Variants in SLC26A5 observed in about 807,000 individuals in gnomAD.
SLC26A5 encodes the protein prestin.
A neutral mutation model predicts 81.0 loss-of-function variants in SLC26A5; 51 were observed. The ratio of observed to expected loss-of-function variants is 0.63; its 90% CI spans 0.50 to 0.80. The LOEUF is 0.80. SLC26A5 is among the 30% of genes least tolerant of loss of function. The probability of loss-of-function intolerance (pLI) is 0.00; values close to 1 mark genes in which losing one functional copy is unlikely to be tolerated. For synonymous variants in SLC26A5, 325 were observed against 332.8 expected, an observed-to-expected ratio of 0.98 and a Z score of 0.25; for missense variants, 771 against 905.8, an observed-to-expected ratio of 0.85 and a Z score of 1.91.
intron 19 of SLC26A5, among the ~76,000 whole-genome samples, chr7:103,361,776 A>T (rs1820429412): frequency 6.6e-6 from 1 of 152,214 alleles, no homozygotes; most frequent in Admixed American, 6.5e-5. Flanking sequence ...AAATTTTATG[A>T]CTTGGCTAAA....
chr7:103,371,326 C>CT (rs770416053), downstream of SLC26A5, among the ~76,000 whole-genome samples: 5,372 of 142,766 alleles, frequency 0.038, 311 homozygotes, highest in African/African-American at 0.13. Flanking sequence ...TTATACACTA[C>CT]TTTTTTTTTT....
Position 103,421,493 on chromosome 7 carries a change from C to T in SLC26A5, c.22G>A (p.Glu8Lys). Residue 8 changes from glutamate (E) to lysine (K), a missense_variant, in exon 3 of 20, where the codon GAA (glutamate) becomes AAA (lysine). Glu to Lys is a moderately conservative substitution (Grantham distance 56). Coordinates refer to ENST00000306312, the MANE Select transcript of SLC26A5 (RefSeq NM_198999.3). ...TACCTCTGGGTTGCTGCAAGGATTT[C>T]ATTTTCTTCAGCATGATCCATAGTA... MDHAEEN[E>K]ILAATQRYYV... is the part of the protein sequence containing the mutation. 1 of 1,614,050 alleles carries T rather than the reference C, an allele frequency of 6.2e-7. No individual in the cohort carries two copies. Among genetic ancestry groups the T allele is most frequent in the Non-Finnish European group, 8.5e-7 (1 of 1,179,940 alleles).
At chr7:103,426,227 G>A (rs1825703531) in intron 2 of SLC26A5, among the ~76,000 whole-genome samples, 1 of 152,090 alleles carries the variant, frequency 6.6e-6, no homozygotes, top group Non-Finnish European at 1.5e-5. Context: ...TATACTTCAG[G>A]CAAATGCAGT....
intron 19 of SLC26A5, among the ~76,000 whole-genome samples, chr7:103,359,936 CT>C (rs1820280613): frequency 1.3e-5 from 2 of 152,008 alleles, no homozygotes; most frequent in South Asian, 4.2e-4. Flanking sequence ...AAAATATTAG[CT>C]GGGCGTGGTG....
At chr7:103,371,355 C>A (rs910172976), downstream of SLC26A5, among the ~76,000 whole-genome samples, 3 of 147,782 alleles carry the variant, frequency 2.0e-5, no homozygotes, top group Admixed American at 2.0e-4. Flanking sequence ...GACGGAGTCT[C>A]GCTCTGTCGC....
chr7:103,379,999 A>T (rs1403441896), intron 15 of SLC26A5, among the ~76,000 whole-genome samples: 1 of 152,168 alleles, frequency 6.6e-6, no homozygotes, highest in Admixed American at 6.5e-5. Flanking sequence ...ACCGACAGAC[A>T]AAACTAGTTT....
At chr7:103,401,836 C>T (rs1823615722) in intron 8 of SLC26A5, among the ~76,000 whole-genome samples, 1 of 152,128 alleles carries the variant, frequency 6.6e-6, no homozygotes, top group African/African-American at 2.4e-5. Flanking sequence ...GTCATTGGTT[C>T]TGTTTATGTG....
At chr7:103,401,233 T>G (rs1214707735) in intron 8 of SLC26A5, among the ~76,000 whole-genome samples, 1 of 152,224 alleles carries the variant, frequency 6.6e-6, no homozygotes, top group Non-Finnish European at 1.5e-5. Flanking sequence ...GTTTGTGTCC[T>G]CTCTGATTTC....
At chr7:103,442,642 T>C (rs2382691) in intron 2 of SLC26A5, among the ~76,000 whole-genome samples, 59,121 of 152,066 alleles carry the variant, frequency 0.39, 15,586 homozygotes, top group African/African-American at 0.74. Context: ...CTGAGAACCA[T>C]TGGTCCCATA....
At chr7:103,420,101 T>C (rs948700039) in intron 4 of SLC26A5, among the ~76,000 whole-genome samples, 3 of 152,130 alleles carry the variant, frequency 2.0e-5, no homozygotes, top group African/African-American at 7.2e-5. Flanking sequence ...TGCAATATAC[T>C]ACAGGAATTT....
At chr7:103,378,643 T>G in intron 16 of SLC26A5, 90 bp from the exon 17 acceptor site, 5 of 1,152,574 alleles carry the variant, frequency 4.3e-6, no homozygotes, top group Non-Finnish European at 6.5e-6. Context: ...CCCATTTAAC[T>G]GCTTTCTGGG....
chr7:103,436,764 CT>C, intron 2 of SLC26A5, among the ~76,000 whole-genome samples: 1 of 152,238 alleles, frequency 6.6e-6, no homozygotes. Context: ...AAATTGGATC[CT>C]TTTCTCATAC....
intron 9 of SLC26A5, 41 bp from the exon 10 acceptor site, chr7:103,393,107 AG>A: frequency 1.2e-6 from 2 of 1,612,528 alleles, no homozygotes; most frequent in Non-Finnish European, 1.7e-6. Flanking sequence ...TGTGACCACA[AG>A]GGAAAAGAAA....
chr7:103,382,905 T>C (rs1429147300), intron 14 of SLC26A5, among the ~76,000 whole-genome samples: 7 of 152,182 alleles, frequency 4.6e-5, no homozygotes, highest in African/African-American at 1.7e-4. Flanking sequence ...CTCAAGGTCT[T>C]TGATTTGACA....
intron 9 of SLC26A5, 92 bp from the exon 10 acceptor site, chr7:103,393,158 T>A (rs1586259120): frequency 1.4e-6 from 2 of 1,471,064 alleles, no homozygotes; most frequent in Non-Finnish European, 1.9e-6. Context: ...TAGGGGGGCA[T>A]TATCTGCAAA....
intron 19 of SLC26A5, among the ~76,000 whole-genome samples, chr7:103,375,749 C>CTTT (rs371992920): frequency 6.8e-6 from 1 of 146,256 alleles, no homozygotes; most frequent in Non-Finnish European, 1.5e-5. Context: ...CACTGTTTTA[C>CTTT]TTTTTTTTTT....
chr7:103,431,883 T>C (rs2190421), intron 2 of SLC26A5, among the ~76,000 whole-genome samples: 46,397 of 151,700 alleles, frequency 0.31, 8,180 homozygotes, highest in East Asian at 0.61. Context: ...TTTTTACTTA[T>C]CAAGTTTAGA....
intron 19 of SLC26A5, chr7:103,355,942 T>G (rs1820007432): frequency 3.7e-6 from 2 of 541,268 alleles, no homozygotes; most frequent in Non-Finnish European, 3.2e-6. Context: ...GGGTTAAAAT[T>G]TTATGCCTTA....
intron 8 of SLC26A5, among the ~76,000 whole-genome samples, chr7:103,404,014 C>A (rs1046172938): frequency 6.6e-6 from 1 of 152,114 alleles, no homozygotes; most frequent in African/African-American, 2.4e-5. Flanking sequence ...GAAACCCAGT[C>A]TCTGCTAAAA....
Sources: gnomAD v4.1 joint callset for allele counts (sites outside exome capture counted in the v4.1 genomes callset) on GRCh38, gnomAD v4.1.1 for gene constraint, MANE v1.5 for transcripts, NCBI Gene and HGNC (gene_info 2026-07-23, HGNC 2026-07-21) for gene names.